PFDN4: variants seen among roughly 807,000 people sequenced by gnomAD.
The protein encoded by PFDN4 is prefoldin subunit 4, also known as prefoldin 4.
Under a neutral mutation model 17.6 loss-of-function variants are expected in PFDN4, and 6 were observed. The observed-to-expected ratio is 0.34, with a 90% CI of 0.19 to 0.67. The LOEUF (loss-of-function observed/expected upper bound fraction) is 0.67. Ranked by LOEUF, PFDN4 falls within the 30% of genes least tolerant of loss-of-function variation. The pLI is 0.68. For missense variants in PFDN4, 119 were observed against 158.4 expected, an observed-to-expected ratio of 0.75 and a Z score of 1.33; for synonymous variants, 48 against 51.1, an observed-to-expected ratio of 0.94 and a Z score of 0.26.
rs1260945580 is a variant in PFDN4, at chr20:54,219,941, G to A, written c.*791G>A. 5.2e-6 allele frequency: 2 copies of A among 385,622 alleles called. No individual in the cohort carries two copies. Among genetic ancestry groups the A allele is most frequent in the African/African-American group, 2.1e-5 (1 of 48,320 alleles). The allele number at this position is 385,622 out of a possible 1,614,324, so 23.9% of individuals were successfully genotyped here. A position where few individuals can be genotyped will look rare whatever the true frequency, so the allele number is the denominator to read the frequency against. ...AAGGCTTATTTCTTAAATAAAGGAT[G>A]CATTTCTTCCCACTCCCCCACAAAA... On this transcript the variant is annotated 3_prime_UTR_variant, in exon 4 of 4. Coordinates refer to ENST00000371419, the MANE Select transcript of PFDN4 (RefSeq NM_002623.4).
intron 1 of PFDN4, among the ~76,000 whole-genome samples, chr20:54,213,989 C>T (rs2092759308): frequency 6.6e-6 from 1 of 151,830 alleles, no homozygotes; most frequent in African/African-American, 2.4e-5. Flanking sequence ...TATATTTGAC[C>T]ATGTAACTTT....
At chr20:54,217,223 C>T (rs973245215) in intron 3 of PFDN4, among the ~76,000 whole-genome samples, 1 of 151,844 alleles carries the variant, frequency 6.6e-6, no homozygotes, top group Admixed American at 6.6e-5. Context: ...CAGGGAAGGG[C>T]TCCCAGGGAA....
chr20:54,214,795 C>T (rs1289634687), intron 2 of PFDN4, among the ~76,000 whole-genome samples: 1 of 152,284 alleles, frequency 6.6e-6, no homozygotes, highest in East Asian at 1.9e-4. Flanking sequence ...GCTGCTGCTG[C>T]CAGTGCCACC....
At chr20:54,215,205 G>T in intron 2 of PFDN4, 95 bp from the exon 3 acceptor site, 1 of 780,662 alleles carries the variant, frequency 1.3e-6, no homozygotes, top group Non-Finnish European at 2.1e-6. Flanking sequence ...TTGTGAGAGG[G>T]TCCCTCAGAG....
At chr20:54,209,688 A>G (rs1428811291) in intron 1 of PFDN4, among the ~76,000 whole-genome samples, 12 of 152,238 alleles carry the variant, frequency 7.9e-5, no homozygotes, top group African/African-American at 2.9e-4. Context: ...AGAGAGGTGA[A>G]GTAAATGGTA....
chr20:54,209,530 G>A (rs2092752943), intron 1 of PFDN4, among the ~76,000 whole-genome samples: 1 of 152,130 alleles, frequency 6.6e-6, no homozygotes, highest in Admixed American at 6.5e-5. Flanking sequence ...CTAGGGCCAT[G>A]GTGATTCAAA....
intron 1 of PFDN4, among the ~76,000 whole-genome samples, chr20:54,211,501 A>G (rs1601174107): frequency 2.0e-5 from 3 of 152,276 alleles, no homozygotes; most frequent in Admixed American, 2.0e-4. Context: ...TTTCTCCTAC[A>G]TGTTCATTTT....
At chr20:54,218,470 A>G (rs558864616) in intron 3 of PFDN4, among the ~76,000 whole-genome samples, 22 of 152,316 alleles carry the variant, frequency 1.4e-4, no homozygotes, top group African/African-American at 5.1e-4. Flanking sequence ...TACTTAGAAA[A>G]TATCTGAGTT....
intron 1 of PFDN4, 122 bp from the exon 2 acceptor site, chr20:54,214,229 A>G: frequency 3.1e-6 from 2 of 637,144 alleles, no homozygotes; most frequent in Admixed American, 3.0e-5. Context: ...TATGTTCTGT[A>G]CTTCTTGTGA....
chr20:54,209,344 C>T (rs766966707), intron 1 of PFDN4, among the ~76,000 whole-genome samples: 12 of 152,102 alleles, frequency 7.9e-5, no homozygotes, highest in Non-Finnish European at 1.6e-4. Context: ...TTGCTTTGCC[C>T]CTATCCAGTA....
intron 1 of PFDN4, among the ~76,000 whole-genome samples, chr20:54,212,842 C>T (rs1016204805): frequency 5.9e-5 from 9 of 152,264 alleles, no homozygotes; most frequent in African/African-American, 1.4e-4. Flanking sequence ...GTTTCTTGAG[C>T]GTAGCTCAGT....
Position 54,215,284 on chromosome 20 carries a change from C to T in PFDN4, c.133-16C>T, listed in dbSNP as rs781646962. On this transcript the variant is annotated splice_polypyrimidine_tract_variant and intron_variant, in intron 2 of 3. Transcript: ENST00000371419. ...AGAACTTTGAGTACATTTTCTTTGC[C>T]ATTTTGCATTTATAGAAACAACTCC... 2 of 1,541,892 alleles carry T rather than the reference C, an allele frequency of 1.3e-6. No individual in the cohort carries two copies. The highest frequency in any genetic ancestry group is 1.8e-6 in the Non-Finnish European group (2 of 1,138,820).
At chr20:54,209,274 G>A (rs2092752599) in intron 1 of PFDN4, among the ~76,000 whole-genome samples, 1 of 152,176 alleles carries the variant, frequency 6.6e-6, no homozygotes, top group Non-Finnish European at 1.5e-5. Context: ...TCTTTGATGA[G>A]AATCTCTTGG....
At chr20:54,215,574 T>C in intron 3 of PFDN4, 134 bp downstream of exon 3, 1 of 565,178 alleles carries the variant, frequency 1.8e-6, no homozygotes, top group South Asian at 3.6e-5. Flanking sequence ...ATGCTCCGAA[T>C]GCTTTGCCAG....
chr20:54,217,418 T>C (rs1052031358), intron 3 of PFDN4, among the ~76,000 whole-genome samples: 1 of 152,164 alleles, frequency 6.6e-6, no homozygotes, highest in Non-Finnish European at 1.5e-5. Flanking sequence ...GGCCACATCT[T>C]GGAGAACTCC....
chr20:54,216,865 C>A (rs942251627), intron 3 of PFDN4, among the ~76,000 whole-genome samples: 11 of 152,050 alleles, frequency 7.2e-5, no homozygotes, highest in African/African-American at 2.7e-4. Context: ...CCATGTTGGG[C>A]AGACTGGTCT....
chr20:54,219,074 G>A lies in PFDN4; in HGVS notation c.329G>A (p.Arg110Gln), dbSNP rs199901569. The change falls in exon 4 of 4, where the codon CGA becomes CAA. Residue 110 changes from arginine to glutamine, a missense_variant. Around this residue, in one of 3 missense-constraint regions of PFDN4, gnomAD observed 81 missense variants for 111.7 expected, o/e 0.73. Transcript: ENST00000371419. ...GAATCCAGAGTGGAATCAATTCAGCGAGTGTTAGCAGATTTGAAAGTTCAG... is the reference window on the plus strand; with the variant it reads ...GAATCCAGAGTGGAATCAATTCAGCAAGTGTTAGCAGATTTGAAAGTTCAG... ...ALESRVESIQRVLADLKVQLY... is the reference protein window; with the variant it reads ...ALESRVESIQQVLADLKVQLY... The A allele has an allele frequency of 8.9e-5, 141 of 1,589,216 alleles. No homozygotes were observed. Among genetic ancestry groups the A allele is most frequent in the Non-Finnish European group, 2.7e-5 (32 of 1,164,916 alleles).
intron 1 of PFDN4, among the ~76,000 whole-genome samples, chr20:54,209,982 T>C (rs1444622305): frequency 2.0e-5 from 3 of 152,164 alleles, no homozygotes; most frequent in African/African-American, 7.2e-5. Flanking sequence ...GGAAAAGTGC[T>C]TATGAAATGA....
chr20:54,214,289 A>G (rs911357150), intron 1 of PFDN4, 62 bp from the exon 2 acceptor site: 8 of 833,782 alleles, frequency 9.6e-6, no homozygotes, highest in African/African-American at 3.5e-5. Flanking sequence ...GTTGAGAAAT[A>G]TAAAAAGCTA....
Sources: allele counts gnomAD v4.1 joint callset (sites outside exome capture counted in the v4.1 genomes callset), GRCh38; gene constraint gnomAD v4.1.1; regional missense constraint gnomAD v4.1.1; transcripts MANE v1.5; gene names NCBI Gene and HGNC (gene_info 2026-07-23, HGNC 2026-07-21).